Variants in DESI1 observed in about 807,000 individuals in gnomAD.
DESI1 encodes the protein desumoylating isopeptidase 1.
A neutral mutation model predicts 22.4 loss-of-function variants in DESI1; 17 were observed. The observed-to-expected ratio is 0.76, with a 90% confidence interval of 0.52 to 1.14. The LOEUF is 1.14. Ranked by LOEUF, DESI1 falls within the 50% of genes most tolerant of loss-of-function variation. The probability of loss-of-function intolerance (pLI) is 0.00; values close to 1 mark genes in which losing one functional copy is unlikely to be tolerated. For missense variants in DESI1, 177 were observed against 208.9 expected (o/e 0.85, Z 0.94); for synonymous variants, 92 against 84.2 (o/e 1.09, Z -0.51).
chr22:41,618,924 T>C (rs1400967949), intron 1 of DESI1, among the ~76,000 whole-genome samples: 1 of 151,958 alleles, frequency 6.6e-6, no homozygotes, highest in Non-Finnish European at 1.5e-5. Flanking sequence ...ATTAGCCGGC[T>C]GTGGTGGCGG....
intron 3 of DESI1, chr22:41,604,372 A>C (rs2067467209): frequency 2.3e-6 from 1 of 425,550 alleles, no homozygotes; most frequent in Non-Finnish European, 4.2e-6. Context: ...CAGCCTCCCA[A>C]GTAGCTGAGA....
chr22:41,612,376 G>A (rs921131187), intron 1 of DESI1, among the ~76,000 whole-genome samples: 1 of 151,944 alleles, frequency 6.6e-6, no homozygotes, highest in African/African-American at 2.4e-5. Flanking sequence ...AGGCATGGTG[G>A]CACACACCTG....
At chr22:41,616,860 G>A (rs954437644) in intron 1 of DESI1, among the ~76,000 whole-genome samples, 2 of 152,166 alleles carry the variant, frequency 1.3e-5, no homozygotes, top group East Asian at 3.8e-4. Context: ...TTCAGGAAAG[G>A]GGAATTACCT....
rs1304443476 is a variant in DESI1 at position 41,604,149 on chromosome 22, C to A, written c.185G>T (p.Gly62Val). The A allele has an allele frequency of 1.9e-6, 3 of 1,613,344 alleles. No homozygotes were observed. The highest frequency in any genetic ancestry group is 1.7e-5 in the Admixed American group (1 of 59,920). The part of the protein sequence containing the change: ...SGGISSCPPG[G>V]TLLGPPDSVV... ...AGAGTCTGGAGGCCCAAGCAATGTC[C>A]CTCCCTAAAAGAGCCAACCCAAAGG... The change falls in exon 4 of 6, where the codon GGG becomes GTG. Residue 62 changes from glycine (G) to valine (V), a missense_variant. By Grantham distance (109) the Gly-to-Val change is moderately radical. Coordinates refer to ENST00000263256, the MANE Select transcript of DESI1 (RefSeq NM_015704.3).
intron 1 of DESI1, among the ~76,000 whole-genome samples, chr22:41,614,554 G>A (rs925834709): frequency 2.0e-5 from 3 of 149,326 alleles, no homozygotes; most frequent in African/African-American, 5.0e-5. Flanking sequence ...AAGTAGCTGG[G>A]ATTATAGGTG....
chr22:41,604,063 G>T lies in DESI1; in HGVS notation c.271C>A (p.Leu91Met). ...EEIFLEYLSS[L>M]GESLFRGEAY... ...ACTCACCGGAACAGGGACTCCCCCAGGGAGGAGAGGTACTCCAGAAAGATT... is the reference window on the plus strand; with the variant it reads ...ACTCACCGGAACAGGGACTCCCCCATGGAGGAGAGGTACTCCAGAAAGATT... The change falls in exon 4 of 6, where the codon CTG becomes ATG. Residue 91 changes from leucine to methionine, a missense_variant. Coordinates refer to ENST00000263256, the MANE Select transcript of DESI1 (RefSeq NM_015704.3). 6.2e-7 allele frequency: 1 copy of T among 1,613,546 alleles called. No individual in the cohort carries two copies. Among genetic ancestry groups the T allele is most frequent in the Non-Finnish European group, 8.5e-7 (1 of 1,179,814 alleles).
At chr22:41,608,926 A>G (rs1433120062) in intron 1 of DESI1, among the ~76,000 whole-genome samples, 2 of 152,148 alleles carry the variant, frequency 1.3e-5, no homozygotes, top group Admixed American at 1.3e-4. Context: ...GCTAACTGCT[A>G]CCTTCGCTGT....
intron 1 of DESI1, among the ~76,000 whole-genome samples, chr22:41,611,011 A>G (rs1166220008): frequency 6.6e-6 from 1 of 152,216 alleles, no homozygotes; most frequent in Non-Finnish European, 1.5e-5. Context: ...TGAGAACCAG[A>G]CTGGATGCCA....
At chr22:41,607,588 G>A (rs768199053) in intron 2 of DESI1, among the ~76,000 whole-genome samples, 7 of 152,156 alleles carry the variant, frequency 4.6e-5, no homozygotes, top group Admixed American at 1.3e-4. Context: ...GTTGAGCAGC[G>A]TCCCTGCCTC....
chr22:41,616,963 C>A (rs1190277344), intron 1 of DESI1, among the ~76,000 whole-genome samples: 1 of 152,136 alleles, frequency 6.6e-6, no homozygotes, highest in Non-Finnish European at 1.5e-5. Flanking sequence ...GAGGGTACTG[C>A]AGATGAGATC....
At chr22:41,601,782 C>T (rs141206333) in intron 5 of DESI1, among the ~76,000 whole-genome samples, 107 of 152,258 alleles carry the variant, frequency 7.0e-4, no homozygotes, top group African/African-American at 2.6e-3. Flanking sequence ...GGCGTGATCT[C>T]GGCTCACTGC....
intron 2 of DESI1, among the ~76,000 whole-genome samples, chr22:41,607,606 A>G (rs1452821432): frequency 6.6e-6 from 1 of 152,200 alleles, no homozygotes; most frequent in Non-Finnish European, 1.5e-5. Context: ...CTCTATCCAC[A>G]AGATGCCAGT....
chr22:41,612,235 G>A (rs886909593), intron 1 of DESI1, among the ~76,000 whole-genome samples: 10 of 152,104 alleles, frequency 6.6e-5, no homozygotes, highest in African/African-American at 2.2e-4. Context: ...GGGTCTGGGC[G>A]TAGTGGCTCA....
chr22:41,606,158 T>C (rs1231811354), intron 3 of DESI1, among the ~76,000 whole-genome samples: 1 of 151,894 alleles, frequency 6.6e-6, no homozygotes, highest in Non-Finnish European at 1.5e-5. Flanking sequence ...GCCCAGGAGT[T>C]TGAGATCAGT....
rs1205870561 is a variant in DESI1, at chr22:41,600,215, A to G, written c.*882T>C. 1 of 152,216 alleles carries G rather than the reference A, an allele frequency of 6.6e-6. No individual in the cohort carries two copies. The highest frequency in any genetic ancestry group is 2.4e-5 in the African/African-American group (1 of 41,458). 9.4% of individuals were successfully genotyped at this position (152,216 alleles called of 1,614,324 possible). On this transcript the variant is annotated 3_prime_UTR_variant, in exon 6 of 6. Transcript: ENST00000263256. The stretch of plus-strand genomic sequence containing the variant: ...ATAATTAAAATAAAGGTATTTTCTT[A>G]GAGTAGGGAATCCCATCCCTTGGTC...
At position 41,616,525 on chromosome 22, in the gene DESI1, AACACACACACACAC is replaced by A. The variant is rs55785001; in HGVS notation, c.88+4213_88+4226del. Among the ~76,000 whole-genome samples, 297 of 146,702 alleles carry A rather than the reference AACACACACACACAC, an allele frequency of 2.0e-3. 2 individuals are homozygous for A. The highest frequency in any genetic ancestry group is 1.7e-3 in the Non-Finnish European group (115 of 66,716). Reference sequence around the variant, plus strand: ...ATGAAGTACTTCTTACCACAATTAAAACACACACACACACACACACACACACACACACACACACA... The same window carrying A: ...ATGAAGTACTTCTTACCACAATTAAAACACACACACACACACACACACACA... On this transcript the variant is annotated intron_variant, in intron 1 of 5. Coordinates refer to ENST00000263256, the MANE Select transcript of DESI1 (RefSeq NM_015704.3).
chr22:41,608,390 G>C (rs2067495083), intron 1 of DESI1, among the ~76,000 whole-genome samples: 1 of 152,176 alleles, frequency 6.6e-6, no homozygotes, highest in African/African-American at 2.4e-5. Flanking sequence ...AAGTCAAATG[G>C]ACTGAGACAC....
rs1206332852 is a variant in DESI1 at position 41,599,291 on chromosome 22, T to G, written c.*1806A>C. ...GTACCTGGCAGCTCTGAGTCCCTTC[T>G]TCATGCTCACTTTCCCAAAATCTAA... On this transcript the variant is annotated 3_prime_UTR_variant, in exon 6 of 6. Transcript: ENST00000263256. The G allele has an allele frequency of 6.6e-6, 1 of 152,194 alleles. No individual in the cohort carries two copies. The highest frequency in any genetic ancestry group is 2.4e-5 in the African/African-American group (1 of 41,450). 9.4% of individuals were successfully genotyped at this position (152,194 alleles called of 1,614,324 possible).
Position 41,607,995 on chromosome 22 carries a change from T to C in DESI1, c.89-134A>G, listed in dbSNP as rs2067492958. The C allele has an allele frequency of 1.1e-5, 10 of 875,186 alleles. 1 individual carries two copies. In the South Asian group the frequency reaches 1.3e-4, roughly 12 times the overall value. 54.2% of individuals were successfully genotyped at this position (875,186 alleles called of 1,614,324 possible). A position where few individuals can be genotyped will look rare whatever the true frequency, so the allele number is the denominator to read the frequency against. On this transcript the variant is annotated intron_variant, in intron 1 of 5. Coordinates refer to ENST00000263256, the MANE Select transcript of DESI1 (RefSeq NM_015704.3). Reference sequence around the variant, plus strand: ...TTGAGGGACTTTCTAGGAATGCAAGTCCCCTCCAGTAAGGTCTTTAGGTTG... The same window carrying C: ...TTGAGGGACTTTCTAGGAATGCAAGCCCCCTCCAGTAAGGTCTTTAGGTTG...
Sources: allele counts gnomAD v4.1 joint callset (sites outside exome capture counted in the v4.1 genomes callset), GRCh38; gene constraint gnomAD v4.1.1; transcripts MANE v1.5; gene names NCBI Gene and HGNC (gene_info 2026-07-23, HGNC 2026-07-21).